The following FHOD3 variants were observed in gnomAD, a reference collection of about 807,000 sequenced individuals.
The protein encoded by FHOD3 is FH1/FH2 domain-containing protein 3.
Under a neutral mutation model 173.0 loss-of-function variants are expected in FHOD3, and 90 were observed. The observed-to-expected ratio is 0.52, with a 90% confidence interval of 0.44 to 0.62. The LOEUF (loss-of-function observed/expected upper bound fraction) is 0.62. Ranked by LOEUF, FHOD3 falls within the 20% of genes least tolerant of loss-of-function variation. The pLI, the probability that FHOD3 is intolerant of heterozygous loss-of-function variation, is 0.00. For missense variants in FHOD3, 1,945 were observed against 2,034.7 expected (o/e 0.96, Z 0.85); for synonymous variants, 828 against 823.0 (o/e 1.01, Z -0.10).
chr18:36,455,374 G>A (rs561284341), intron 3 of FHOD3, among the ~76,000 whole-genome samples: 17 of 152,298 alleles, frequency 1.1e-4, no homozygotes, highest in African/African-American at 3.6e-4. Context: ...TTAGGGACGA[G>A]TTCTGGGATG....
At chr18:36,370,499 A>G (rs948518364) in intron 2 of FHOD3, among the ~76,000 whole-genome samples, 2 of 152,086 alleles carry the variant, frequency 1.3e-5, no homozygotes, top group Non-Finnish European at 2.9e-5. Flanking sequence ...TGACCACCCT[A>G]CATGCTCACT....
intron 20 of FHOD3, among the ~76,000 whole-genome samples, chr18:36,736,132 C>G (rs1253475361): frequency 1.3e-5 from 2 of 152,194 alleles, no homozygotes; most frequent in Non-Finnish European, 2.9e-5. Context: ...TGGGAGCACA[C>G]AGGTGAGTGA....
chr18:36,441,917 G>A (rs1042292980), intron 3 of FHOD3, among the ~76,000 whole-genome samples: 3 of 152,168 alleles, frequency 2.0e-5, no homozygotes, highest in African/African-American at 7.2e-5. Context: ...AATTAGAAAA[G>A]TCAAGTCAAA....
chr18:36,579,045 G>A lies in FHOD3; in HGVS notation c.606+2500G>A, dbSNP rs1377195167. Among the ~76,000 whole-genome samples the A allele has an allele frequency of 3.3e-5, 5 of 152,172 alleles. No homozygotes were observed. In the East Asian group the frequency reaches 9.6e-4, roughly 29 times the overall value. On this transcript the variant is annotated intron_variant, in intron 6 of 28. Coordinates refer to ENST00000590592, the MANE Select transcript of FHOD3 (RefSeq NM_001281740.3). ...CCTTGGACACTGAGTGAAATGCTGGGCTTTCTAGGTTGCATCAGCCAGACC... is the reference window on the plus strand; with the variant it reads ...CCTTGGACACTGAGTGAAATGCTGGACTTTCTAGGTTGCATCAGCCAGACC...
In FHOD3 at chr18:36,506,783, A is replaced by C. The variant is rs530567767; in HGVS notation, c.405+4784A>C. 4.5e-4 allele frequency among the ~76,000 whole-genome samples: 69 copies of C among 152,312 alleles called. No individual in the cohort carries two copies. The South Asian group carries it at 0.014, about 32-fold the overall frequency. ...AGTGCACATTCAAAACAGAACAAGA[A>C]ATCATATTAGTTTATAAAAGCAAAG... On this transcript the variant is annotated intron_variant, in intron 4 of 28. Transcript: ENST00000590592.
At chr18:36,583,852 G>C (rs2058938229) in intron 6 of FHOD3, among the ~76,000 whole-genome samples, 1 of 151,842 alleles carries the variant, frequency 6.6e-6, no homozygotes, top group Non-Finnish European at 1.5e-5. Flanking sequence ...TTGAGACGGA[G>C]TCTCACTCTG....
chr18:36,612,058 C>T lies in FHOD3; in HGVS notation c.920C>T (p.Thr307Ile), dbSNP rs773570148. 6.2e-7 allele frequency: 1 copy of T among 1,614,168 alleles called. No homozygotes were observed. The highest frequency in any genetic ancestry group is 1.6e-4 in the Middle Eastern group (1 of 6,062). Residue 307 changes from threonine to isoleucine, a missense_variant, in exon 9 of 29, where the codon ACT (threonine) becomes ATT (isoleucine). Coordinates refer to ENST00000590592, the MANE Select transcript of FHOD3 (RefSeq NM_001281740.3). ...CAGAGGCACTTGAACAAGAAAGGGA[C>T]TGACCTGGACTTAGTGGAGCAACTC... ...VSQRHLNKKGTDLDLVEQLNI... is the reference protein window; with the variant it reads ...VSQRHLNKKGIDLDLVEQLNI...
chr18:36,587,897 GGC>G (rs1265628000), intron 6 of FHOD3, among the ~76,000 whole-genome samples: 1 of 152,076 alleles, frequency 6.6e-6, no homozygotes, highest in Non-Finnish European at 1.5e-5. Context: ...AAATCCTAAG[GGC>G]TACCCAGCCT....
At chr18:36,485,258 T>C (rs1208090634) in intron 3 of FHOD3, among the ~76,000 whole-genome samples, 3 of 152,232 alleles carry the variant, frequency 2.0e-5, no homozygotes, top group Admixed American at 1.3e-4. Context: ...CTGGGATCCA[T>C]GGTGATCATG....
chr18:36,325,096 T>C (rs2044601775), intron 1 of FHOD3, among the ~76,000 whole-genome samples: 1 of 152,186 alleles, frequency 6.6e-6, no homozygotes, highest in African/African-American at 2.4e-5. Flanking sequence ...TGCACATTGA[T>C]ATATCAAGTT....
intron 6 of FHOD3, among the ~76,000 whole-genome samples, chr18:36,591,743 C>G (rs1421877200): frequency 9.2e-6 from 1 of 109,180 alleles, no homozygotes; most frequent in Non-Finnish European, 1.9e-5. Flanking sequence ...CATAGAGAGA[C>G]ACTATCTCTA....
At chr18:36,445,697 T>G (rs916649366) in intron 3 of FHOD3, among the ~76,000 whole-genome samples, 4 of 152,244 alleles carry the variant, frequency 2.6e-5, no homozygotes, top group Non-Finnish European at 5.9e-5. Flanking sequence ...TTTGATGGAC[T>G]GGCTAAGGGT....
intron 27 of FHOD3, among the ~76,000 whole-genome samples, chr18:36,768,178 TG>T (rs1383616336): frequency 4.0e-5 from 6 of 151,890 alleles, no homozygotes; most frequent in African/African-American, 1.5e-4. Context: ...TTAACAATTT[TG>T]AGCATATTGT....
chr18:36,667,551 T>C (rs584508), intron 14 of FHOD3, among the ~76,000 whole-genome samples: 77,086 of 152,070 alleles, frequency 0.51, 19,677 homozygotes, highest in Middle Eastern at 0.55. Context: ...CGTGTAACTG[T>C]ACCAAATACT....
chr18:36,701,164 ATGAATC>A (rs1455843627), intron 17 of FHOD3, among the ~76,000 whole-genome samples: 2 of 152,244 alleles, frequency 1.3e-5, no homozygotes, highest in African/African-American at 2.4e-5. Flanking sequence ...AAGCAGACTC[ATGAATC>A]TGCAGAGACA....
At chr18:36,529,591 G>T (rs1016876177) in intron 5 of FHOD3, among the ~76,000 whole-genome samples, 1 of 152,034 alleles carries the variant, frequency 6.6e-6, no homozygotes, top group Non-Finnish European at 1.5e-5. Context: ...GGCTGAGGCG[G>T]GTGGATCACT....
chr18:36,482,094 G>A (rs2053931656), intron 3 of FHOD3, among the ~76,000 whole-genome samples: 1 of 152,106 alleles, frequency 6.6e-6, no homozygotes, highest in Non-Finnish European at 1.5e-5. Flanking sequence ...CTATTCATAA[G>A]ATAAGAGGAA....
chr18:36,687,014 C>T (rs2038664237), intron 15 of FHOD3, 114 bp from the exon 16 acceptor site: 1 of 693,788 alleles, frequency 1.4e-6, no homozygotes, highest in Admixed American at 3.1e-5. Flanking sequence ...TTTTACATTT[C>T]TGAGGCAGTG....
intron 1 of FHOD3, among the ~76,000 whole-genome samples, chr18:36,335,323 G>A (rs962105969): frequency 9.9e-5 from 15 of 151,728 alleles, no homozygotes; most frequent in African/African-American, 2.9e-4. Flanking sequence ...GTGAAACCCC[G>A]TCTCTACTAA....
Sources: allele counts gnomAD v4.1 joint callset (sites outside exome capture counted in the v4.1 genomes callset), GRCh38; gene constraint gnomAD v4.1.1; transcripts MANE v1.5; gene names NCBI Gene and HGNC (gene_info 2026-07-23, HGNC 2026-07-21).